The following NOX4 variants were observed in gnomAD, a reference collection of about 807,000 sequenced individuals.
NOX4 encodes the protein kidney oxidase-1.
In NOX4, 69 loss-of-function variants were observed where a neutral mutation model predicts 87.6. The observed-to-expected ratio is 0.79, with a 90% CI of 0.65 to 0.96. The LOEUF (loss-of-function observed/expected upper bound fraction) is 0.96, where lower values mean the gene tolerates loss of function less well. NOX4 is among the 40% of genes least tolerant of loss of function. The pLI, the probability that NOX4 is intolerant of heterozygous loss-of-function variation, is 0.00. For synonymous variants in NOX4, 275 were observed against 238.2 expected (o/e 1.15, Z -1.42); for missense variants, 680 against 681.5 (o/e 1.00, Z 0.02).
At chr11:89,576,296 A>C in the NOX4 span, among the ~76,000 whole-genome samples, 3 of 152,186 alleles carry the variant, frequency 2.0e-5, no homozygotes, top group South Asian at 4.1e-4. Flanking sequence ...AGTGTTCACT[A>C]CCTGTCACTA....
intron 2 of NOX4, among the ~76,000 whole-genome samples, chr11:89,489,564 C>T (rs377361594): frequency 4.6e-5 from 7 of 151,692 alleles, no homozygotes; most frequent in Admixed American, 2.6e-4. Context: ...CTTGTGTCTA[C>T]TAAAAATACA....
At chr11:89,330,536 G>T (rs1945425016) in intron 17 of NOX4, among the ~76,000 whole-genome samples, 1 of 151,452 alleles carries the variant, frequency 6.6e-6, no homozygotes, top group Admixed American at 6.6e-5. Flanking sequence ...CTTGGATAGG[G>T]CTCAAGAATT....
intron 11 of NOX4, 148 bp from the exon 12 acceptor site, chr11:89,373,640 T>A (rs1939623360): frequency 3.8e-6 from 2 of 529,470 alleles, no homozygotes; most frequent in Non-Finnish European, 6.9e-6. Flanking sequence ...TCCTTATTAG[T>A]GGAAGAAAAA....
At chr11:89,562,806 C>T in the NOX4 span, among the ~76,000 whole-genome samples, 2,389 of 152,232 alleles carry the variant, frequency 0.016, 62 homozygotes, top group African/African-American at 0.054. Context: ...ACAATTAGAT[C>T]ATATGATACC....
intron 12 of NOX4, among the ~76,000 whole-genome samples, chr11:89,365,593 T>C (rs1213032977): frequency 6.6e-6 from 1 of 151,900 alleles, no homozygotes; most frequent in Non-Finnish European, 1.5e-5. Flanking sequence ...AAATGCATTT[T>C]TTTTTAACAA....
intron 7 of NOX4, among the ~76,000 whole-genome samples, chr11:89,428,616 G>C (rs1943590782): frequency 6.6e-6 from 1 of 152,036 alleles, no homozygotes; most frequent in Admixed American, 6.6e-5. Flanking sequence ...AACAGACAAA[G>C]AAGGCCATTA....
At chr11:89,326,955 G>A in intron 17 of NOX4, 79 bp from the exon 18 acceptor site, 4 of 1,315,574 alleles carry the variant, frequency 3.0e-6, no homozygotes, top group South Asian at 1.4e-5. Context: ...TTATGAGCAT[G>A]GTTTAAAGTA....
chr11:89,473,032 T>C (rs1255062057), intron 2 of NOX4, among the ~76,000 whole-genome samples: 3 of 152,200 alleles, frequency 2.0e-5, no homozygotes, highest in East Asian at 1.9e-4. Context: ...AAAAACATTA[T>C]TGAAGTGGAA....
intron 11 of NOX4, among the ~76,000 whole-genome samples, chr11:89,384,609 C>T (rs961997611): frequency 1.3e-5 from 2 of 152,140 alleles, no homozygotes; most frequent in African/African-American, 4.8e-5. Flanking sequence ...CAAAGCAAAT[C>T]TAGGTGACCC....
chr11:89,344,798 G>C (rs1946144896), intron 13 of NOX4, among the ~76,000 whole-genome samples: 1 of 152,082 alleles, frequency 6.6e-6, no homozygotes. Flanking sequence ...ATATTAAGGG[G>C]GGATGACTTT....
chr11:89,581,210 T>C, the NOX4 span, among the ~76,000 whole-genome samples: 5 of 152,132 alleles, frequency 3.3e-5, no homozygotes, highest in African/African-American at 1.2e-4. Flanking sequence ...CTTTTTCAGT[T>C]AGCAATAGAT....
the NOX4 span, among the ~76,000 whole-genome samples, chr11:89,573,699 A>G: frequency 2.6e-5 from 4 of 152,174 alleles, no homozygotes; most frequent in Admixed American, 6.5e-5. Flanking sequence ...AAGTTTATTA[A>G]AAAGGCTTTA....
intron 11 of NOX4, among the ~76,000 whole-genome samples, chr11:89,382,705 C>A (rs1159045168): frequency 6.6e-6 from 1 of 152,048 alleles, no homozygotes; most frequent in Non-Finnish European, 1.5e-5. Context: ...CTCCACTCCC[C>A]CACCCTATAA....
chr11:89,484,297 T>C (rs1946501631), intron 2 of NOX4, among the ~76,000 whole-genome samples: 1 of 152,112 alleles, frequency 6.6e-6, no homozygotes, highest in Non-Finnish European at 1.5e-5. Context: ...CTGAAAAGTA[T>C]TGTGAAATCA....
At chr11:89,558,034 C>T in the NOX4 span, among the ~76,000 whole-genome samples, 40 of 152,210 alleles carry the variant, frequency 2.6e-4, no homozygotes, top group African/African-American at 3.9e-4. Context: ...TTAATCTTTA[C>T]CTCAGCCCCA....
At chr11:89,419,526 A>T (rs1352621831) in intron 8 of NOX4, among the ~76,000 whole-genome samples, 1 of 151,924 alleles carries the variant, frequency 6.6e-6, no homozygotes, top group African/African-American at 2.4e-5. Context: ...GCACTGTAGA[A>T]TGCTTATTGT....
the NOX4 span, among the ~76,000 whole-genome samples, chr11:89,521,388 G>C: frequency 2.0e-5 from 3 of 151,996 alleles, no homozygotes; most frequent in Non-Finnish European, 4.4e-5. Flanking sequence ...CCCACCTATA[G>C]CCATTTGATC....
At chr11:89,523,245 A>T in the NOX4 span, among the ~76,000 whole-genome samples, 1 of 151,838 alleles carries the variant, frequency 6.6e-6, no homozygotes, top group East Asian at 1.9e-4. Context: ...GATGATCTTG[A>T]TCTCTTGACC....
At chr11:89,326,926 A>G (rs1050553715) in intron 17 of NOX4, 50 bp from the exon 18 acceptor site, 2 of 1,590,824 alleles carry the variant, frequency 1.3e-6, no homozygotes, top group African/African-American at 1.3e-5. Flanking sequence ...ATTAGGCAGA[A>G]CATGACAAGA....
Sources: gnomAD v4.1 joint callset for allele counts (sites outside exome capture counted in the v4.1 genomes callset) on GRCh38, gnomAD v4.1.1 for gene constraint, MANE v1.5 for transcripts, NCBI Gene and HGNC (gene_info 2026-07-23, HGNC 2026-07-21) for gene names.